Variants in TNIK observed in about 807,000 individuals in gnomAD.
TNIK encodes TRAF2 and NCK-interacting protein kinase.
In TNIK, 49 loss-of-function variants were observed where a neutral mutation model predicts 191.3. The observed-to-expected ratio is 0.26, with a 90% CI of 0.20 to 0.32. The LOEUF (loss-of-function observed/expected upper bound fraction) is 0.32, where lower values mean the gene tolerates loss of function less well. Ranked by LOEUF, TNIK falls within the 10% of genes least tolerant of loss-of-function variation. The probability of loss-of-function intolerance (pLI) is 1.00; values close to 1 mark genes in which losing one functional copy is unlikely to be tolerated. For synonymous variants in TNIK, 594 were observed against 600.9 expected (o/e 0.99, Z 0.17); for missense variants, 1,155 against 1,702.3 (o/e 0.68, Z 5.66).
At chr3:171,177,247 A>G in intron 8 of TNIK, 79 bp downstream of exon 8, 1 of 1,482,002 alleles carries the variant, frequency 6.7e-7, no homozygotes, top group Non-Finnish European at 9.2e-7. Context: ...AAGTAAAGCA[A>G]CTGCAGCTCC....
intron 5 of TNIK, among the ~76,000 whole-genome samples, chr3:171,193,502 T>A (rs1738305881): frequency 6.6e-6 from 1 of 152,236 alleles, no homozygotes; most frequent in South Asian, 2.1e-4. Context: ...TTTGTAGTTT[T>A]CAGGATAGAA....
chr3:171,369,791 G>T, intron 1 of TNIK, 106 bp from the exon 2 acceptor site: 1 of 842,482 alleles, frequency 1.2e-6, no homozygotes, highest in Non-Finnish European at 1.8e-6. Flanking sequence ...AACAACTTTA[G>T]CTTCAGGGGC....
intron 9 of TNIK, among the ~76,000 whole-genome samples, chr3:171,169,914 C>A (rs1309757200): frequency 1.3e-5 from 2 of 152,122 alleles, no homozygotes; most frequent in East Asian, 1.9e-4. Context: ...TCAAGTGGCA[C>A]CCTTTGAAGA....
rs1243448256 is a variant in TNIK, at chr3:171,159,137, G to A, written c.1017-1473C>T. Among the ~76,000 whole-genome samples, 2 of 152,182 alleles carry A rather than the reference G, an allele frequency of 1.3e-5. No homozygotes were observed. Among genetic ancestry groups the A allele is most frequent in the African/African-American group, 4.8e-5 (2 of 41,446 alleles). ...AGCGAGGGGTACAGGGGCAAGCACA[G>A]CAAGCCGGACTGCTGCTGCAGAGTG... On this transcript the variant is annotated intron_variant, in intron 11 of 32. Transcript: ENST00000436636. This position sits in a 1 kb window ranked among gnomAD's most constrained non-coding sequence, Gnocchi z 4.1.
chr3:171,285,492 A>G (rs1750912916), intron 2 of TNIK, among the ~76,000 whole-genome samples: 1 of 152,230 alleles, frequency 6.6e-6, no homozygotes, highest in Non-Finnish European at 1.5e-5. Context: ...GCCAGCAGCT[A>G]TATTGTTATG....
chr3:171,425,212 A>T (rs1425966275), intron 1 of TNIK, among the ~76,000 whole-genome samples: 1 of 152,206 alleles, frequency 6.6e-6, no homozygotes, highest in African/African-American at 2.4e-5. Flanking sequence ...AAAAGCCACA[A>T]TTTAAGCCAG....
At chr3:171,279,050 T>C (rs1207094872) in intron 2 of TNIK, among the ~76,000 whole-genome samples, 2 of 152,258 alleles carry the variant, frequency 1.3e-5, no homozygotes, top group Admixed American at 6.5e-5. Context: ...ACAAGTCTTC[T>C]AGCAGGATTT....
At chr3:171,436,917 C>T (rs1403235947) in intron 1 of TNIK, among the ~76,000 whole-genome samples, 1 of 152,146 alleles carries the variant, frequency 6.6e-6, no homozygotes. Context: ...AGTGCATTTG[C>T]CCCCTTGGAT....
chr3:171,415,387 T>A (rs1722921537), intron 1 of TNIK, among the ~76,000 whole-genome samples: 1 of 152,150 alleles, frequency 6.6e-6, no homozygotes, highest in Non-Finnish European at 1.5e-5. Context: ...CACCACTGTA[T>A]CATCAGCACT....
chr3:171,297,752 T>A (rs1305462154), intron 2 of TNIK, among the ~76,000 whole-genome samples: 1 of 152,192 alleles, frequency 6.6e-6, no homozygotes, highest in African/African-American at 2.4e-5. Flanking sequence ...AAATGAAATT[T>A]GAGTTTTATG....
intron 2 of TNIK, among the ~76,000 whole-genome samples, chr3:171,261,967 C>T (rs1281870500): frequency 2.6e-5 from 4 of 152,120 alleles, no homozygotes; most frequent in Non-Finnish European, 5.9e-5. Flanking sequence ...GTTTTATGAA[C>T]AACTAGGATC....
intron 2 of TNIK, among the ~76,000 whole-genome samples, chr3:171,283,150 A>T (rs1750653413): frequency 6.9e-6 from 1 of 144,844 alleles, no homozygotes. Context: ...GTTAAATTTT[A>T]TACCTACTTT....
chr3:171,348,982 G>A lies in TNIK; in HGVS notation c.123+20638C>T, dbSNP rs574476901. Reference sequence around the variant, plus strand: ...ATTTAAGTAAATAAAATACTTTAATGAAAAATATTAAGCAAAAAGACTGCA... The same window carrying A: ...ATTTAAGTAAATAAAATACTTTAATAAAAAATATTAAGCAAAAAGACTGCA... On this transcript the variant is annotated intron_variant, in intron 2 of 32. Coordinates refer to ENST00000436636, the MANE Select transcript of TNIK (RefSeq NM_015028.4). Among the ~76,000 whole-genome samples, 3 of 150,956 alleles carry A rather than the reference G, an allele frequency of 2.0e-5. No homozygotes were observed. In the South Asian group the frequency reaches 6.3e-4, roughly 32 times the overall value.
chr3:171,134,035 A>G (rs1212760328), intron 15 of TNIK, among the ~76,000 whole-genome samples: 5 of 152,132 alleles, frequency 3.3e-5, no homozygotes, highest in South Asian at 2.1e-4. Flanking sequence ...TTTTTTTTTA[A>G]GTATGTGGGA....
chr3:171,458,797 C>T (rs1307422909), intron 1 of TNIK, among the ~76,000 whole-genome samples: 1 of 152,148 alleles, frequency 6.6e-6, no homozygotes, highest in Non-Finnish European at 1.5e-5. Context: ...TCTCATCCAC[C>T]CTCCATACAT....
chr3:171,460,172 G>A lies in TNIK; in HGVS notation c.-109C>T. ...GTCCTCATGCGGGTGTCGCGCCAGA[G>A]GCCCCGGGCCCAGCCTCCCCCGCCC... is the stretch of plus-strand genomic sequence containing the variant. On this transcript the variant is annotated 5_prime_UTR_variant, in exon 1 of 33. Transcript: ENST00000436636. The surrounding 1 kb of genome is among the most constrained non-coding windows in gnomAD (Gnocchi z 6.8). 1.4e-6 allele frequency: 2 copies of A among 1,394,144 alleles called. No individual in the cohort carries two copies. Among genetic ancestry groups the A allele is most frequent in the African/African-American group, 1.4e-5 (1 of 70,150 alleles). The allele number at this position is 1,394,144 out of a possible 1,614,324, so 86.4% of individuals were successfully genotyped here. A position where few individuals can be genotyped will look rare whatever the true frequency, so the allele number is the denominator to read the frequency against.
chr3:171,180,601 C>T (rs141963138), intron 7 of TNIK, among the ~76,000 whole-genome samples: 37 of 152,210 alleles, frequency 2.4e-4, no homozygotes, highest in Admixed American at 5.9e-4. Flanking sequence ...CATGAGAGAA[C>T]GTAGCAAAAC....
intron 2 of TNIK, among the ~76,000 whole-genome samples, chr3:171,350,430 C>T (rs888992181): frequency 6.6e-6 from 1 of 152,080 alleles, no homozygotes; most frequent in African/African-American, 2.4e-5. Flanking sequence ...CTCTCTATGA[C>T]ATTTGAAGAT....
At chr3:171,241,459 A>G (rs372029747) in intron 2 of TNIK, among the ~76,000 whole-genome samples, 1 of 152,248 alleles carries the variant, frequency 6.6e-6, no homozygotes, top group African/African-American at 2.4e-5. Flanking sequence ...TTGGCCTTGC[A>G]TATAAGTCAA....
Sources: gnomAD v4.1 joint callset for allele counts (sites outside exome capture counted in the v4.1 genomes callset) on GRCh38, gnomAD v4.1.1 for gene constraint, Gnocchi (gnomAD v3.1) non-coding constraint, MANE v1.5 for transcripts, NCBI Gene and HGNC (gene_info 2026-07-23, HGNC 2026-07-21) for gene names.